The following PLEKHA1 variants were observed in gnomAD, a reference collection of about 807,000 sequenced individuals.
PLEKHA1 encodes the protein pleckstrin homology domain containing A1.
Under a neutral mutation model 52.0 loss-of-function variants are expected in PLEKHA1, and 34 were observed. The observed-to-expected ratio is 0.65, with a 90% CI of 0.50 to 0.87. The LOEUF (loss-of-function observed/expected upper bound fraction) is 0.87. Ranked by LOEUF, PLEKHA1 falls within the 40% of genes least tolerant of loss-of-function variation. The pLI is 0.00. For synonymous variants in PLEKHA1, 163 were observed against 170.7 expected (o/e 0.95, Z 0.35); for missense variants, 497 against 504.2 (o/e 0.99, Z 0.14).
chr10:122,385,982 A>G lies in PLEKHA1; in HGVS notation c.-20-7199A>G, dbSNP rs536731036. On this transcript the variant is annotated intron_variant, in intron 1 of 11. Coordinates refer to ENST00000368990, the MANE Select transcript of PLEKHA1 (RefSeq NM_001001974.4). Reference sequence around the variant, plus strand: ...TATTTGGTGTGAACATAAGCCTTCAATTCATTTGGATAAATACCTAGGAGT... The same window carrying G: ...TATTTGGTGTGAACATAAGCCTTCAGTTCATTTGGATAAATACCTAGGAGT... Among the ~76,000 whole-genome samples, 533 of 152,272 alleles carry G rather than the reference A, an allele frequency of 3.5e-3. 4 individuals carry two copies. Among genetic ancestry groups the G allele is most frequent in the African/African-American group, 0.012 (493 of 41,546 alleles).
At chr10:122,382,543 T>C (rs1397500763) in intron 1 of PLEKHA1, among the ~76,000 whole-genome samples, 3 of 152,254 alleles carry the variant, frequency 2.0e-5, no homozygotes, top group Non-Finnish European at 2.9e-5. Flanking sequence ...AGACTATGAA[T>C]ATTCTGTTTC....
At chr10:122,407,622 G>A (rs1004317982) in intron 5 of PLEKHA1, among the ~76,000 whole-genome samples, 1 of 152,190 alleles carries the variant, frequency 6.6e-6, no homozygotes, top group African/African-American at 2.4e-5. Flanking sequence ...TGAGCAGCAC[G>A]TAGATAGGCT....
chr10:122,435,591 T>C (rs909240663), downstream of PLEKHA1: 1 of 152,220 alleles, frequency 6.6e-6, no homozygotes, highest in Non-Finnish European at 1.5e-5. Flanking sequence ...TATTTAGAGA[T>C]GATTGTAGGT....
At chr10:122,375,161 G>A (rs2096508210) in intron 1 of PLEKHA1, among the ~76,000 whole-genome samples, 1 of 151,838 alleles carries the variant, frequency 6.6e-6, no homozygotes, top group Admixed American at 6.6e-5. Flanking sequence ...CGCGGCGGTC[G>A]CGGGGCCGAC....
chr10:122,394,080 T>G (rs2096814948), intron 2 of PLEKHA1, among the ~76,000 whole-genome samples: 1 of 98,592 alleles, frequency 1.0e-5, no homozygotes, highest in Non-Finnish European at 2.0e-5. Context: ...TTTTTTTTTT[T>G]TTTTTTTTTT....
intron 1 of PLEKHA1, among the ~76,000 whole-genome samples, chr10:122,392,001 C>T (rs922371134): frequency 6.6e-6 from 1 of 152,070 alleles, no homozygotes; most frequent in Non-Finnish European, 1.5e-5. Context: ...TAAATTCATC[C>T]TGCCAAAAGA....
chr10:122,424,171 G>GTTTCTTTTTTTTTTTTTTTTTTTT (rs758904148), intron 8 of PLEKHA1, 28 bp from the exon 9 acceptor site: 1 of 694,476 alleles, frequency 1.4e-6, no homozygotes, highest in African/African-American at 2.2e-5. Context: ...TCATGTAACT[G>GTTTCTTTTTTTTTTTTTTTTTTTT]TTTTTTTTTT....
At chr10:122,412,614 C>T (rs1021733399) in intron 5 of PLEKHA1, 1 of 285,086 alleles carries the variant, frequency 3.5e-6, no homozygotes, top group Non-Finnish European at 6.7e-6. Context: ...GCCCCTGAGC[C>T]TATTTCCTTA....
At chr10:122,390,310 C>G (rs1403984929) in intron 1 of PLEKHA1, among the ~76,000 whole-genome samples, 4 of 152,218 alleles carry the variant, frequency 2.6e-5, no homozygotes, top group African/African-American at 4.8e-5. Context: ...AGCAATAAAG[C>G]TGTTTCACTT....
chr10:122,383,382 C>T (rs1590243565), intron 1 of PLEKHA1, among the ~76,000 whole-genome samples: 1 of 145,116 alleles, frequency 6.9e-6, no homozygotes, highest in Admixed American at 7.1e-5. Context: ...TACAGTGGCA[C>T]AATCATAGCT....
chr10:122,384,298 C>T (rs780338863), intron 1 of PLEKHA1, among the ~76,000 whole-genome samples: 3 of 152,044 alleles, frequency 2.0e-5, no homozygotes, highest in African/African-American at 4.8e-5. Flanking sequence ...CAGGTTTTTG[C>T]CATGGAAAGC....
intron 10 of PLEKHA1, chr10:122,425,378 T>C (rs2097323897): frequency 6.5e-6 from 1 of 153,092 alleles, no homozygotes; most frequent in African/African-American, 2.4e-5. Flanking sequence ...TAAGTTTAAA[T>C]TGTACTTTTT....
intron 5 of PLEKHA1, among the ~76,000 whole-genome samples, chr10:122,409,784 C>CTTT (rs745429398): frequency 7.0e-6 from 1 of 143,058 alleles, no homozygotes; most frequent in Non-Finnish European, 1.5e-5. Context: ...TCTTTTTATC[C>CTTT]TTTTTTTTTT....
At chr10:122,385,985 C>T (rs2096690191) in intron 1 of PLEKHA1, among the ~76,000 whole-genome samples, 1 of 152,158 alleles carries the variant, frequency 6.6e-6, no homozygotes, top group African/African-American at 2.4e-5. Flanking sequence ...GCCTTCAATT[C>T]ATTTGGATAA....
chr10:122,411,100 A>C (rs2097100533), intron 5 of PLEKHA1, among the ~76,000 whole-genome samples: 1 of 152,206 alleles, frequency 6.6e-6, no homozygotes, highest in South Asian at 2.1e-4. Context: ...TATTGTCTTT[A>C]AAAAGCACTC....
intron 2 of PLEKHA1, among the ~76,000 whole-genome samples, chr10:122,396,337 TTA>T (rs1407154659): frequency 6.6e-6 from 1 of 152,088 alleles, no homozygotes; most frequent in Non-Finnish European, 1.5e-5. Context: ...TTTTCCTTCT[TTA>T]AAGTTAAAAA....
rs1345119774 is a variant in PLEKHA1, at chr10:122,393,742, AT to A, written c.141+403del. Reference sequence around the variant, plus strand: ...GACCAGGGATAGATGATTTTCTTGCATTAAGGAGGCTTAATACCAGGGTCCC... The same window carrying A: ...GACCAGGGATAGATGATTTTCTTGCATAAGGAGGCTTAATACCAGGGTCCC... On this transcript the variant is annotated intron_variant, in intron 2 of 11. Transcript: ENST00000368990. This position sits in a 1 kb window ranked among gnomAD's most constrained non-coding sequence, Gnocchi z 4.5. Among the ~76,000 whole-genome samples, 1 of 152,226 alleles carries A rather than the reference AT, an allele frequency of 6.6e-6. No homozygotes were observed. Among genetic ancestry groups the A allele is most frequent in the East Asian group, 1.9e-4 (1 of 5,198 alleles).
At chr10:122,388,814 G>A (rs1398443759) in intron 1 of PLEKHA1, among the ~76,000 whole-genome samples, 2 of 152,134 alleles carry the variant, frequency 1.3e-5, no homozygotes, top group East Asian at 1.9e-4. Flanking sequence ...TGAAGGTAGG[G>A]GTGGCTGTGG....
At chr10:122,385,646 C>A (rs532022567) in intron 1 of PLEKHA1, among the ~76,000 whole-genome samples, 1 of 152,088 alleles carries the variant, frequency 6.6e-6, no homozygotes, top group Non-Finnish European at 1.5e-5. Context: ...CTTAATATTA[C>A]GATTTTGAGA....
Sources: gnomAD v4.1 joint callset for allele counts (sites outside exome capture counted in the v4.1 genomes callset) on GRCh38, gnomAD v4.1.1 for gene constraint, Gnocchi (gnomAD v3.1) non-coding constraint, MANE v1.5 for transcripts, NCBI Gene and HGNC (gene_info 2026-07-23, HGNC 2026-07-21) for gene names.